Variants in LCTL observed in about 807,000 individuals in gnomAD.
LCTL encodes the protein lactase-like protein.
LCTL carries 76 observed loss-of-function variants against 75.8 expected under a neutral mutation model. That is an observed-to-expected ratio of 1.00 (90% CI 0.83 to 1.21). The LOEUF (loss-of-function observed/expected upper bound fraction) is 1.21. Ranked by LOEUF, LCTL falls within the 50% of genes most tolerant of loss-of-function variation. The pLI, the probability that LCTL is intolerant of heterozygous loss-of-function variation, is 0.00. For missense variants in LCTL, 670 were observed against 712.4 expected, an observed-to-expected ratio of 0.94 and a Z score of 0.68; for synonymous variants, 271 against 268.8, an observed-to-expected ratio of 1.01 and a Z score of -0.08.
At chr15:66,555,811 A>G (rs1469636297) in intron 8 of LCTL, among the ~76,000 whole-genome samples, 1 of 152,248 alleles carries the variant, frequency 6.6e-6, no homozygotes. Flanking sequence ...AGAATTCCCA[A>G]AACTCAACAA....
intron 6 of LCTL, among the ~76,000 whole-genome samples, chr15:66,558,338 T>G (rs1005399215): frequency 6.6e-6 from 1 of 152,222 alleles, no homozygotes; most frequent in African/African-American, 2.4e-5. Context: ...TAGGCAGTAC[T>G]TTTCCTCAGA....
At chr15:66,562,501 A>AGG (rs1412816760) in intron 4 of LCTL, among the ~76,000 whole-genome samples, 1 of 152,016 alleles carries the variant, frequency 6.6e-6, no homozygotes, top group African/African-American at 2.4e-5. Flanking sequence ...TTGCTGGGGC[A>AGG]GGGGTCATAT....
At chr15:66,561,413 G>T in intron 4 of LCTL, 98 bp from the exon 6 acceptor site, 1 of 1,331,118 alleles carries the variant, frequency 7.5e-7, no homozygotes, top group Non-Finnish European at 1.1e-6. Flanking sequence ...ACAGGAGGGA[G>T]GCCGCACAGG....
chr15:66,564,618 T>C (rs1052087993), intron 2 of LCTL, 58 bp downstream of exon 3: 9 of 1,556,532 alleles, frequency 5.8e-6, no homozygotes, highest in Non-Finnish European at 7.8e-6. Flanking sequence ...CAGCTAGGCA[T>C]GTACTCACAT....
At chr15:66,564,092 T>C (rs1895961954) in intron 2 of LCTL, 94 bp from the exon 4 acceptor site, 1 of 816,688 alleles carries the variant, frequency 1.2e-6, no homozygotes, top group Admixed American at 1.9e-5. Flanking sequence ...CACTCTTGTC[T>C]GTAGCTGTTA....
intron 6 of LCTL, among the ~76,000 whole-genome samples, chr15:66,558,790 G>T (rs1895809049): frequency 6.6e-6 from 1 of 151,164 alleles, no homozygotes; most frequent in Non-Finnish European, 1.5e-5. Flanking sequence ...CTGCCTCCCA[G>T]GTTCAAGCCA....
chr15:66,559,509 C>A (rs1012817320), intron 6 of LCTL, among the ~76,000 whole-genome samples: 1 of 152,122 alleles, frequency 6.6e-6, no homozygotes, highest in Non-Finnish European at 1.5e-5. Context: ...AGTTGGAGAC[C>A]AGCCTGGCCA....
chr15:66,552,822 G>A (rs1183853721), intron 9 of LCTL, among the ~76,000 whole-genome samples, 162 bp downstream of exon 10: 3 of 152,178 alleles, frequency 2.0e-5, no homozygotes, highest in African/African-American at 7.2e-5. Flanking sequence ...GGTTATGCAT[G>A]GTAGACGTGA....
intron 8 of LCTL, among the ~76,000 whole-genome samples, chr15:66,553,754 CAAAA>C (rs35718768): frequency 1.4e-5 from 1 of 73,062 alleles, no homozygotes; most frequent in Non-Finnish European, 2.8e-5. Flanking sequence ...GACTCCATCT[CAAAA>C]AAAAAAAAAA....
intron 8 of LCTL, 50 bp from the exon 10 acceptor site, chr15:66,553,308 C>T: frequency 6.9e-7 from 1 of 1,443,782 alleles, no homozygotes; most frequent in South Asian, 1.5e-5. Context: ...TTCTCCCAAT[C>T]ACTGTGTTAT....
chr15:66,552,009 G>A (rs1895617491), intron 10 of LCTL, 34 bp downstream of exon 11: 3 of 1,595,874 alleles, frequency 1.9e-6, no homozygotes, highest in African/African-American at 2.7e-5. Flanking sequence ...CAGTTAAACG[G>A]GAAAACTGCA....
intron 9 of LCTL, 84 bp from the exon 11 acceptor site, chr15:66,552,253 A>G: frequency 9.0e-7 from 1 of 1,107,686 alleles, no homozygotes; most frequent in Non-Finnish European, 1.3e-6. Flanking sequence ...ATAGGAACAC[A>G]TATTCAAGCC....
chr15:66,558,103 G>T, intron 6 of LCTL, 67 bp from the exon 8 acceptor site: 1 of 1,405,368 alleles, frequency 7.1e-7, no homozygotes, highest in Non-Finnish European at 9.7e-7. Context: ...CAATCTGAGT[G>T]GCCTTTCTTT....
Position 66,552,667 on chromosome 15 carries a change from CAAAAAAAAAA to C in LCTL, c.1197+307_1197+316del, listed in dbSNP as rs752480803. ...CCTGGGTGACAGAGTGAGACTGTCT[CAAAAAAAAAA>C]AAAAAAAAAAAACATTGTTGGAGGG... On this transcript the variant is annotated intron_variant, in intron 9 of 12. Coordinates refer to ENST00000341509, the Ensembl canonical transcript of LCTL. Among the ~76,000 whole-genome samples, 46 of 53,116 alleles carry C rather than the reference CAAAAAAAAAA, an allele frequency of 8.7e-4. 1 individual carries two copies. In the East Asian group the frequency reaches 0.011, roughly 13 times the overall value. The allele number at this position is 53,116 out of a possible 152,430, so 34.8% of individuals were successfully genotyped here.
chr15:66,557,956 G>T, intron 7 of LCTL, 26 bp downstream of exon 8: 1 of 1,606,964 alleles, frequency 6.2e-7, no homozygotes, highest in Non-Finnish European at 8.5e-7. Flanking sequence ...GGCTGTCCTG[G>T]GTACATGTGT....
intron 2 of LCTL, chr15:66,564,218 A>C: frequency 1.7e-6 from 1 of 578,338 alleles, no homozygotes. Context: ...AGGCACTGAG[A>C]GAAGTCCATC....
intron 9 of LCTL, among the ~76,000 whole-genome samples, chr15:66,552,734 T>TGA (rs2081030970): frequency 6.7e-6 from 1 of 150,258 alleles, no homozygotes; most frequent in African/African-American, 2.5e-5. Flanking sequence ...CTTTGCCACA[T>TGA]ATTCCAGTTT....
exon 4 of LCTL, chr15:66,563,607 T>G (rs149480000): frequency 6.2e-7 from 1 of 1,610,464 alleles, no homozygotes; most frequent in African/African-American, 1.3e-5. Context: ...TTCGATTCCC[T>G]TCTTGTTCAC....
At position 66,563,498 on chromosome 15, in the gene LCTL, G is replaced by A; in HGVS notation, c.480+18C>T. The A allele has an allele frequency of 2.5e-6, 4 of 1,588,042 alleles. No individual in the cohort carries two copies. Among genetic ancestry groups the A allele is most frequent in the Non-Finnish European group, 3.5e-6 (4 of 1,158,226 alleles). Reference sequence around the variant, plus strand: ...AGTTGAGTCCCCTTTGGGCCTGTGAGCCTGCTCAGGTCCTCACCTGTGGCA... The same window carrying A: ...AGTTGAGTCCCCTTTGGGCCTGTGAACCTGCTCAGGTCCTCACCTGTGGCA... On this transcript the variant is annotated intron_variant, in intron 4 of 12. Coordinates refer to ENST00000341509, the Ensembl canonical transcript of LCTL.
Sources: gnomAD v4.1 joint callset for allele counts (sites outside exome capture counted in the v4.1 genomes callset) on GRCh38, gnomAD v4.1.1 for gene constraint, MANE v1.5 for transcripts, NCBI Gene and HGNC (gene_info 2026-07-23, HGNC 2026-07-21) for gene names.